Variants in TVP23C observed in about 807,000 individuals in gnomAD.
TVP23C encodes trans-golgi network vesicle protein 23 homolog C, also known as Golgi apparatus membrane protein TVP23 homolog C.
In TVP23C, 19 loss-of-function variants were observed where a neutral mutation model predicts 28.7. The observed-to-expected ratio is 0.66, with a 90% CI of 0.46 to 0.97. The LOEUF is 0.97. Ranked by LOEUF, TVP23C falls within the 50% of genes least tolerant of loss-of-function variation. TVP23C has a pLI of 0.00. For synonymous variants in TVP23C, 68 were observed against 81.7 expected, an observed-to-expected ratio of 0.83 and a Z score of 0.90; for missense variants, 186 against 241.3, an observed-to-expected ratio of 0.77 and a Z score of 1.52.
At chr17:15,508,508 AC>A (rs1597502725) in intron 5 of TVP23C, among the ~76,000 whole-genome samples, 2 of 152,154 alleles carry the variant, frequency 1.3e-5, no homozygotes, top group East Asian at 3.9e-4. Context: ...GGCCAAGAGC[AC>A]CCCTCCTGTT....
At chr17:15,544,577 A>T (rs1173274956) in intron 5 of TVP23C, among the ~76,000 whole-genome samples, 3 of 151,896 alleles carry the variant, frequency 2.0e-5, no homozygotes, top group African/African-American at 7.3e-5. Flanking sequence ...GAAGGACTAA[A>T]ATAAGACTAT....
chr17:15,521,090 T>C (rs1268611225), intron 5 of TVP23C, among the ~76,000 whole-genome samples: 1 of 152,006 alleles, frequency 6.6e-6, no homozygotes. Context: ...ACAATGTTCA[T>C]GGATCAGAAG....
intron 1 of TVP23C, among the ~76,000 whole-genome samples, chr17:15,558,991 A>C (rs1984258015): frequency 6.8e-6 from 1 of 147,322 alleles, no homozygotes; most frequent in Non-Finnish European, 1.5e-5. Flanking sequence ...CACCATATCT[A>C]ATATTTTAAT....
At chr17:15,526,543 T>C (rs965024066) in intron 5 of TVP23C, among the ~76,000 whole-genome samples, 2 of 152,242 alleles carry the variant, frequency 1.3e-5, no homozygotes, top group Non-Finnish European at 2.9e-5. Context: ...TACTTATTTA[T>C]TCAGCATCTA....
chr17:15,545,799 TGAA>T lies in TVP23C; in HGVS notation c.445_447del (p.Phe149del), dbSNP rs760753804. On this transcript the variant is annotated inframe_deletion, in exon 5 of 6. Coordinates refer to ENST00000518321, the MANE Select transcript of TVP23C (RefSeq NM_001135036.2). ...CTGATACTCACCAGCCACTTTACTGTGAAGGAGAAGAGTGCACTAAAGGCAAAT... is the reference window on the plus strand; with the variant it reads ...CTGATACTCACCAGCCACTTTACTGTGGAGAAGAGTGCACTAAAGGCAAAT... The T allele has an allele frequency of 3.7e-6, 6 of 1,613,314 alleles. No homozygotes were observed. The African/African-American group carries it at 8.0e-5, about 22-fold the overall frequency.
At chr17:15,517,826 G>A (rs1432018901) in intron 5 of TVP23C, among the ~76,000 whole-genome samples, 1 of 152,130 alleles carries the variant, frequency 6.6e-6, no homozygotes, top group Non-Finnish European at 1.5e-5. Flanking sequence ...TGAGTCTCAT[G>A]CCCATTCTCT....
chr17:15,548,260 G>A lies in TVP23C; in HGVS notation c.241-1112C>T, dbSNP rs1431153618. 3.9e-5 allele frequency among the ~76,000 whole-genome samples: 6 copies of A among 151,974 alleles called. No homozygotes were observed. The East Asian group carries it at 5.8e-4, about 15-fold the overall frequency. ...CAGCTCACCACAACCTCTGCCTCCC[G>A]GGTTCAAACGATTCTCCTGCCTCAG... On this transcript the variant is annotated intron_variant, in intron 3 of 5. Coordinates refer to ENST00000518321, the MANE Select transcript of TVP23C (RefSeq NM_001135036.2).
intron 3 of TVP23C, among the ~76,000 whole-genome samples, 198 bp downstream of exon 3, chr17:15,553,485 CTA>C (rs1983984055): frequency 6.7e-6 from 1 of 148,546 alleles, no homozygotes; most frequent in Non-Finnish European, 1.5e-5. Flanking sequence ...GCACAGTAAC[CTA>C]CATGTCTCAT....
chr17:15,519,691 A>G (rs1982389929), intron 5 of TVP23C, among the ~76,000 whole-genome samples: 1 of 152,134 alleles, frequency 6.6e-6, no homozygotes, highest in Non-Finnish European at 1.5e-5. Flanking sequence ...TGGGTGGATC[A>G]TGAGGTCAGA....
In TVP23C at chr17:15,537,459, A is replaced by C. The variant is rs1339362199; in HGVS notation, c.*2953T>G. 1 of 985,136 alleles carries C rather than the reference A, an allele frequency of 1.0e-6. No individual in the cohort carries two copies. The highest frequency in any genetic ancestry group is 1.7e-5 in the African/African-American group (1 of 57,230). 61.0% of individuals were successfully genotyped at this position (985,136 alleles called of 1,614,324 possible). ...TCTGTAAAATAAATAGAATAGCAGCAATCTCTGGGTATTCCTTAAACTATG... is the reference window on the plus strand; with the variant it reads ...TCTGTAAAATAAATAGAATAGCAGCCATCTCTGGGTATTCCTTAAACTATG... On this transcript the variant is annotated 3_prime_UTR_variant, in exon 6 of 6. Coordinates refer to ENST00000518321, the MANE Select transcript of TVP23C (RefSeq NM_001135036.2).
chr17:15,515,207 C>T (rs551969307), intron 5 of TVP23C, among the ~76,000 whole-genome samples: 2 of 152,130 alleles, frequency 1.3e-5, no homozygotes, highest in East Asian at 1.9e-4. Flanking sequence ...AAAGGTATAA[C>T]GTACACTCCA....
At chr17:15,513,073 C>T (rs537209081) in intron 5 of TVP23C, among the ~76,000 whole-genome samples, 1 of 152,292 alleles carries the variant, frequency 6.6e-6, no homozygotes, top group African/African-American at 2.4e-5. Flanking sequence ...TTGCATGCCA[C>T]TCCTGGGCCC....
intron 5 of TVP23C, among the ~76,000 whole-genome samples, chr17:15,524,953 T>C (rs1437399697): frequency 6.6e-6 from 1 of 152,234 alleles, no homozygotes; most frequent in South Asian, 2.1e-4. Context: ...CTTCTGGCAA[T>C]GACCATCAGT....
At position 15,540,357 on chromosome 17, in the gene TVP23C, A is replaced by G. The variant is rs1414940869; in HGVS notation, c.*55T>C. The stretch of plus-strand genomic sequence containing the variant: ...TATGCCTTTAAAACTTCTGTTCAGG[A>G]GCGTTTCATAAAAATTAAACTATGA... On this transcript the variant is annotated 3_prime_UTR_variant, in exon 6 of 6. Transcript: ENST00000518321. 4.1e-6 allele frequency: 6 copies of G among 1,476,544 alleles called. No individual in the cohort carries two copies. The highest frequency in any genetic ancestry group is 3.6e-6 in the Non-Finnish European group (4 of 1,097,882). The allele number at this position is 1,476,544 out of a possible 1,614,324, so 91.5% of individuals were successfully genotyped here. A position where few individuals can be genotyped will look rare whatever the true frequency, so the allele number is the denominator to read the frequency against.
intron 5 of TVP23C, among the ~76,000 whole-genome samples, chr17:15,528,916 T>C (rs1031506132): frequency 6.6e-6 from 1 of 152,238 alleles, no homozygotes; most frequent in Non-Finnish European, 1.5e-5. Flanking sequence ...TTGTTTATAG[T>C]GCTTTTGAAT....
intron 1 of TVP23C, among the ~76,000 whole-genome samples, chr17:15,561,707 C>T (rs1489544861): frequency 3.9e-5 from 6 of 152,238 alleles, no homozygotes; most frequent in East Asian, 1.9e-4. Context: ...CAGCCTCATC[C>T]GGCCTGGGCG....
intron 5 of TVP23C, among the ~76,000 whole-genome samples, chr17:15,519,420 C>T (rs1327593899): frequency 6.6e-6 from 1 of 151,934 alleles, no homozygotes; most frequent in Non-Finnish European, 1.5e-5. Flanking sequence ...TGCAGTGACC[C>T]ATGATCATGC....
chr17:15,554,542 C>A (rs1390925635), intron 2 of TVP23C, among the ~76,000 whole-genome samples: 1 of 152,124 alleles, frequency 6.6e-6, no homozygotes, highest in Non-Finnish European at 1.5e-5. Flanking sequence ...CAGCCTGTTT[C>A]TTGTTTTTTA....
intron 5 of TVP23C, among the ~76,000 whole-genome samples, chr17:15,542,694 C>G (rs1000664393): frequency 1.3e-5 from 2 of 152,094 alleles, no homozygotes; most frequent in African/African-American, 4.8e-5. Context: ...CCAGGATGGT[C>G]TCGATCTCCT....
Sources: allele counts gnomAD v4.1 joint callset (sites outside exome capture counted in the v4.1 genomes callset), GRCh38; gene constraint gnomAD v4.1.1; transcripts MANE v1.5; gene names NCBI Gene and HGNC (gene_info 2026-07-23, HGNC 2026-07-21).